KCNIP1: variants seen among roughly 807,000 people sequenced by gnomAD.
KCNIP1 encodes the protein potassium voltage-gated channel interacting protein 1.
Under a neutral mutation model 33.0 loss-of-function variants are expected in KCNIP1, and 18 were observed. The ratio of observed to expected loss-of-function variants is 0.55; its 90% CI spans 0.38 to 0.81. The LOEUF (loss-of-function observed/expected upper bound fraction) is 0.81, where lower values mean the gene tolerates loss of function less well. KCNIP1 is among the 30% of genes least tolerant of loss of function. The pLI is 0.00. For missense variants in KCNIP1, 238 were observed against 271.6 expected (o/e 0.88, Z 0.87); for synonymous variants, 93 against 98.3 (o/e 0.95, Z 0.32).
intron 1 of KCNIP1, among the ~76,000 whole-genome samples, chr5:170,606,786 C>T (rs966608454): frequency 2.6e-5 from 4 of 152,252 alleles, no homozygotes; most frequent in African/African-American, 9.6e-5. Context: ...GTCCCAGGCC[C>T]ACTCTCACTT....
At chr5:170,721,213 G>A (rs1291521594) in intron 3 of KCNIP1, among the ~76,000 whole-genome samples, 1 of 152,200 alleles carries the variant, frequency 6.6e-6, no homozygotes, top group Admixed American at 6.5e-5. Flanking sequence ...GGTGTGTGGG[G>A]CCCCTACCCA....
At chr5:170,602,515 C>A (rs561584819) in intron 1 of KCNIP1, among the ~76,000 whole-genome samples, 1 of 152,210 alleles carries the variant, frequency 6.6e-6, no homozygotes, top group Non-Finnish European at 1.5e-5. Context: ...ACCTGCCTGC[C>A]GTGCAGTTTG....
At chr5:170,694,690 T>C (rs963873324) in intron 1 of KCNIP1, among the ~76,000 whole-genome samples, 1 of 152,250 alleles carries the variant, frequency 6.6e-6, no homozygotes, top group African/African-American at 2.4e-5. Flanking sequence ...AGAGAGGTTC[T>C]TTTTAATTGC....
rs74404817 is a variant in KCNIP1 at position 170,453,920 on chromosome 5, A to G, written c.88+99956A>G. Among the ~76,000 whole-genome samples, 558 of 152,338 alleles carry G rather than the reference A, an allele frequency of 3.7e-3. 3 individuals carry two copies. The highest frequency in any genetic ancestry group is 0.013 in the African/African-American group (533 of 41,582). On this transcript the variant is annotated intron_variant, in intron 1 of 7. Transcript: ENST00000377360. Reference sequence around the variant, plus strand: ...TAAGGCTGGAACTAGATTCTCCCCAAGTTGAGCCTGACAAGTAAAATACAG... The same window carrying G: ...TAAGGCTGGAACTAGATTCTCCCCAGGTTGAGCCTGACAAGTAAAATACAG...
rs556879398 is a variant in KCNIP1, at chr5:170,687,881, T to C, written c.62-30877T>C. On this transcript the variant is annotated intron_variant, in intron 1 of 7. Coordinates refer to ENST00000328939, the MANE Select transcript of KCNIP1 (RefSeq NM_014592.4). ...TGTCCCTGGCATATAGTAACCACTT[T>C]CGCCAAAGACTGAGTTATCCAACTA... 3.3e-5 allele frequency among the ~76,000 whole-genome samples: 5 copies of C among 152,366 alleles called. No homozygotes were observed. In the South Asian group the frequency reaches 1.0e-3, roughly 32 times the overall value.
intron 1 of KCNIP1, among the ~76,000 whole-genome samples, chr5:170,605,276 A>G (rs1462769902): frequency 6.6e-6 from 1 of 151,784 alleles, no homozygotes; most frequent in Non-Finnish European, 1.5e-5. Flanking sequence ...TGGTCTGGGA[A>G]CCCCTCTGGC....
chr5:170,706,207 A>G (rs1320180996), intron 1 of KCNIP1, among the ~76,000 whole-genome samples: 1 of 152,226 alleles, frequency 6.6e-6, no homozygotes, highest in African/African-American at 2.4e-5. Flanking sequence ...AACAACAAAG[A>G]AGGGGTTTAT....
rs35557233 is a variant in KCNIP1 at position 170,534,830 on chromosome 5, A to AT, written c.61+30212dup. On this transcript the variant is annotated intron_variant, in intron 1 of 7. Coordinates refer to ENST00000328939, the MANE Select transcript of KCNIP1 (RefSeq NM_014592.4). ...AGCTACCATACCATGCCCGGCATAG[A>AT]TTTTTTTTTTTTTTTAACAGAGGCT... Among the ~76,000 whole-genome samples the AT allele has an allele frequency of 2.7e-3, 390 of 145,296 alleles. 1 individual carries two copies. Among genetic ancestry groups the AT allele is most frequent in the African/African-American group, 6.2e-3 (246 of 39,886 alleles).
rs139707202 is a variant in KCNIP1, at chr5:170,565,778, C to T, written c.61+61145C>T. Among the ~76,000 whole-genome samples the T allele has an allele frequency of 8.5e-5, 13 of 152,186 alleles. No homozygotes were observed. In the East Asian group the frequency reaches 1.5e-3, roughly 18 times the overall value. On this transcript the variant is annotated intron_variant, in intron 1 of 7. Coordinates refer to ENST00000328939, the MANE Select transcript of KCNIP1 (RefSeq NM_014592.4). ...CTTCTTGACCTCAGTTATTCATCTGCGAAATGGAAGGAAACAATGTCTGTT... is the reference window on the plus strand; with the variant it reads ...CTTCTTGACCTCAGTTATTCATCTGTGAAATGGAAGGAAACAATGTCTGTT...
intron 1 of KCNIP1, among the ~76,000 whole-genome samples, chr5:170,546,521 C>T (rs1434054440): frequency 6.6e-6 from 1 of 152,228 alleles, no homozygotes; most frequent in Non-Finnish European, 1.5e-5. Context: ...AGTAGACAAC[C>T]TCTGCTTGGG....
At chr5:170,380,876 T>C (rs573937871) in intron 1 of KCNIP1, among the ~76,000 whole-genome samples, 5 of 152,292 alleles carry the variant, frequency 3.3e-5, no homozygotes, top group African/African-American at 1.2e-4. Flanking sequence ...AAAATGGGTT[T>C]GTGAGGCTAC....
intron 5 of KCNIP1, among the ~76,000 whole-genome samples, chr5:170,724,189 G>C (rs1022633703): frequency 1.3e-5 from 2 of 152,168 alleles, no homozygotes; most frequent in African/African-American, 4.8e-5. Context: ...TATAGGCCCA[G>C]ATGGTGGACT....
At chr5:170,385,247 G>A in intron 1 of KCNIP1, 1 of 1,568,864 alleles carries the variant, frequency 6.4e-7, no homozygotes, top group Non-Finnish European at 8.8e-7. Flanking sequence ...AGAAGGCCAG[G>A]GTTCCTTACA....
At chr5:170,599,064 G>A (rs191935875) in intron 1 of KCNIP1, among the ~76,000 whole-genome samples, 155 of 152,192 alleles carry the variant, frequency 1.0e-3, no homozygotes, top group African/African-American at 3.3e-3. Context: ...ACAGGCTGCC[G>A]TGGGGTTGAG....
At chr5:170,710,161 C>T (rs1763396698) in intron 1 of KCNIP1, among the ~76,000 whole-genome samples, 2 of 152,256 alleles carry the variant, frequency 1.3e-5, no homozygotes, top group South Asian at 4.1e-4. Context: ...GCCACTGTGC[C>T]TGGACTGTGA....
intron 1 of KCNIP1, among the ~76,000 whole-genome samples, chr5:170,369,037 G>A (rs1430705490): frequency 2.0e-5 from 3 of 152,200 alleles, no homozygotes; most frequent in African/African-American, 4.8e-5. Context: ...ATGAAGGGGA[G>A]GCATGCTTAC....
chr5:170,618,462 A>G (rs555036183), intron 1 of KCNIP1, among the ~76,000 whole-genome samples: 91 of 135,222 alleles, frequency 6.7e-4, no homozygotes, highest in African/African-American at 2.4e-3. Context: ...AGGAAAGAAG[A>G]AAAGAAAGGA....
rs370166372 is a variant in KCNIP1 at position 170,630,280 on chromosome 5, T to C, written c.62-88478T>C. 9.8e-5 allele frequency among the ~76,000 whole-genome samples: 15 copies of C among 152,362 alleles called. No homozygotes were observed. In the East Asian group the frequency reaches 2.5e-3, roughly 25 times the overall value. On this transcript the variant is annotated intron_variant, in intron 1 of 7. Coordinates refer to ENST00000328939, the MANE Select transcript of KCNIP1 (RefSeq NM_014592.4). ...ATAAATGGACGGATGGATGGATGGA[T>C]GCATTAGGCAGCCAAGTGGGCAGCA...
intron 1 of KCNIP1, among the ~76,000 whole-genome samples, chr5:170,635,703 A>C (rs1001993277): frequency 6.6e-6 from 1 of 152,246 alleles, no homozygotes; most frequent in Non-Finnish European, 1.5e-5. Flanking sequence ...TCTCCAGCCA[A>C]GATAAGTATC....
Sources: allele counts gnomAD v4.1 joint callset (sites outside exome capture counted in the v4.1 genomes callset), GRCh38; gene constraint gnomAD v4.1.1; transcripts MANE v1.5; gene names NCBI Gene and HGNC (gene_info 2026-07-23, HGNC 2026-07-21).